The following PNCK variants were observed in gnomAD, a reference collection of about 807,000 sequenced individuals.
PNCK encodes the protein pregnancy up-regulated nonubiquitous CaM kinase.
A neutral mutation model predicts 28.3 loss-of-function variants in PNCK; 21 were observed. That is an observed-to-expected ratio of 0.74 (90% confidence interval 0.53 to 1.07). The LOEUF is 1.07. PNCK is among the 50% of genes least tolerant of loss of function. The probability of loss-of-function intolerance (pLI) is 0.00; values close to 1 mark genes in which losing one functional copy is unlikely to be tolerated. For missense variants in PNCK, 250 were observed against 298.3 expected, an observed-to-expected ratio of 0.84 and a Z score of 1.19; for synonymous variants, 136 against 125.2, an observed-to-expected ratio of 1.09 and a Z score of -0.58.
chrX:153,681,316 C>G (rs371367557), intron 1 of PNCK, among the ~76,000 whole-genome samples: 114 of 111,552 alleles, frequency 1.0e-3, no homozygotes, highest in African/African-American at 3.2e-3. Flanking sequence ...CGGCTTCCTT[C>G]CCAAGAGCAC....
At chrX:153,684,821 C>T (rs1317262487) in intron 1 of PNCK, among the ~76,000 whole-genome samples, 1 of 90,597 alleles carries the variant, frequency 1.1e-5, no homozygotes, top group African/African-American at 4.1e-5. Flanking sequence ...GCCCCCCTCC[C>T]CTGCCCTCCC....
chrX:153,677,613 ATAGTGTATATATATAGT>A (rs1476562683), upstream of PNCK, among the ~76,000 whole-genome samples: 7 of 101,269 alleles, frequency 6.9e-5, no homozygotes, highest in African/African-American at 2.6e-4. Context: ...GTGTATATAT[ATAGTGTATATATATAGT>A]GTGTATATAT....
Position 153,673,025 on chromosome X carries a change from G to A in PNCK, c.52C>T (p.Arg18Cys), listed in dbSNP as rs1349409547. 2 of 1,194,841 alleles carry A rather than the reference G, an allele frequency of 1.7e-6. No individual in the cohort carries two copies. The highest frequency in any genetic ancestry group is 2.3e-6 in the Non-Finnish European group (2 of 885,494). ...TEDISSVYEIRERLGSGAFSE... is the reference protein window; with the variant it reads ...TEDISSVYEICERLGSGAFSE... The stretch of plus-strand genomic sequence containing the variant: ...CACACTCACGAGCCGAGCCTCTCGC[G>A]GATCTCGTAGACGCTGCTGATGTCC... The change falls in exon 2 of 12, where the codon CGC becomes TGC. Residue 18 changes from arginine (R) to cysteine (C), a missense_variant. Arg to Cys is a radical substitution (Grantham distance 180). Transcript: ENST00000340888.
chrX:153,684,687 C>A (rs1480997873), intron 1 of PNCK, among the ~76,000 whole-genome samples: 1 of 111,598 alleles, frequency 9.0e-6, no homozygotes, highest in East Asian at 2.8e-4. Context: ...CCCAGGATAA[C>A]CAGTCACCCC....
Position 153,670,756 on chromosome X carries a change from C to A in PNCK, c.882G>T (p.Arg294=). ...VSEQIRKNFA[R]THWKRAFNAT... The stretch of plus-strand genomic sequence containing the variant: ...TCTCCACACTGACCTTCCAGTGTGT[C>A]CGAGCAAAGTTCTTCCGGATCTGCT... Residue 294 remains arginine (R), a synonymous_variant, in exon 10 of 12, where the codon CGG becomes CGT. Coordinates refer to ENST00000340888, the MANE Select transcript of PNCK (RefSeq NM_001366977.1). 1 of 1,209,446 alleles carries A rather than the reference C, an allele frequency of 8.3e-7. No individual in the cohort carries two copies. The highest frequency in any genetic ancestry group is 1.7e-5 in the African/African-American group (1 of 57,833).
intron 11 of PNCK, 134 bp from the exon 12 acceptor site, chrX:153,670,264 A>T: frequency 1.7e-6 from 1 of 596,108 alleles, no homozygotes; most frequent in Non-Finnish European, 2.6e-6. Context: ...CCCAATGTCA[A>T]GCACCCACTG....
At chrX:153,670,857 G>A (rs201999317) in intron 9 of PNCK, 26 bp from the exon 10 acceptor site, 37 of 1,209,165 alleles carry the variant, frequency 3.1e-5, no homozygotes, top group Non-Finnish European at 3.9e-5. Flanking sequence ...AGGTCAGGGG[G>A]GGTCTCTCTG....
chrX:153,673,183 T>G, intron 1 of PNCK, 105 bp from the exon 2 acceptor site: 1 of 1,181,624 alleles, frequency 8.5e-7, no homozygotes, highest in Non-Finnish European at 1.1e-6. Context: ...CCATTGCCGC[T>G]GCGCGCTCGA....
At chrX:153,674,402 G>C (rs782164042), upstream of PNCK, 11 of 345,717 alleles carry the variant, frequency 3.2e-5, no homozygotes, top group South Asian at 1.0e-3. Flanking sequence ...GACTGCCCTG[G>C]CCCCTCCTCC....
At chrX:153,679,566 C>CTTTTTTTTTTTTTTTTTT (rs1211891003), upstream of PNCK, among the ~76,000 whole-genome samples, 1 of 46,091 alleles carries the variant, frequency 2.2e-5, no homozygotes, top group Non-Finnish European at 4.1e-5. Context: ...CTTTTCTTTT[C>CTTTTTTTTTTTTTTTTTT]TTTTTTTTTT....
Position 153,671,137 on chromosome X carries a change from T to C in PNCK, c.668A>G (p.Gln223Arg), listed in dbSNP as rs1398825868. The change falls in exon 8 of 12, where the codon CAG becomes CGG. Residue 223 changes from glutamine (Q) to arginine (R), a missense_variant. Physicochemically the swap from Gln to Arg is conservative, Grantham distance 43 (BLOSUM62 1). Coordinates refer to ENST00000340888, the MANE Select transcript of PNCK (RefSeq NM_001366977.1). ...AAACTCATAGCTGGCCCTCAGGATCTGGCTGAAGAGCTCAGGGTCGCTCTC... is the reference window on the plus strand; with the variant it reads ...AAACTCATAGCTGGCCCTCAGGATCCGGCTGAAGAGCTCAGGGTCGCTCTC... ...YDESDPELFS[Q>R]ILRASYEFDS... is the part of the protein sequence containing the mutation. 8 of 1,211,987 alleles carry C rather than the reference T, an allele frequency of 6.6e-6. No individual in the cohort carries two copies. The highest frequency in any genetic ancestry group is 8.9e-6 in the Non-Finnish European group (8 of 895,569).
chrX:153,685,233 G>A (rs1454068094), intron 1 of PNCK, among the ~76,000 whole-genome samples: 1 of 110,875 alleles, frequency 9.0e-6, no homozygotes, highest in Non-Finnish European at 1.9e-5. Flanking sequence ...CGAGCCTGAC[G>A]CGCCTTGACA....
At chrX:153,672,514 T>C in intron 3 of PNCK, 52 bp downstream of exon 3, 1 of 1,182,046 alleles carries the variant, frequency 8.5e-7, no homozygotes. Flanking sequence ...AAGGACTGCT[T>C]GCACCCCCCC....
chrX:153,672,524 C>T (rs782130048), intron 3 of PNCK, 42 bp downstream of exon 3: 7 of 1,186,910 alleles, frequency 5.9e-6, no homozygotes, highest in Non-Finnish European at 7.9e-6. Flanking sequence ...TGCACCCCCC[C>T]ATCGACCTAT....
chrX:153,684,255 A>C (rs1224629205), intron 1 of PNCK, among the ~76,000 whole-genome samples: 1 of 112,826 alleles, frequency 8.9e-6, no homozygotes, highest in Non-Finnish European at 1.9e-5. Flanking sequence ...AGGCAGCTTT[A>C]GGGTGATGGG....
chrX:153,686,755 A>G (rs1315819268), intron 1 of PNCK: 1 of 112,098 alleles, frequency 8.9e-6, no homozygotes, highest in East Asian at 2.8e-4. Flanking sequence ...CCCTGGTCTA[A>G]GCACAGGTGA....
At chrX:153,677,158 G>A (rs782741957), upstream of PNCK, among the ~76,000 whole-genome samples, 4 of 111,362 alleles carry the variant, frequency 3.6e-5, no homozygotes, top group East Asian at 8.5e-4. Flanking sequence ...GGCTGATCTC[G>A]AACTCCTGAC....
In PNCK at chrX:153,671,277, T is replaced by C. The variant is rs782779420; in HGVS notation, c.614+8A>G. 195 of 1,203,698 alleles carry C rather than the reference T, an allele frequency of 1.6e-4. No homozygotes were observed. The highest frequency in any genetic ancestry group is 2.1e-4 in the Non-Finnish European group (184 of 891,298). On this transcript the variant is annotated splice_region_variant and intron_variant, in intron 7 of 11. Coordinates refer to ENST00000340888, the MANE Select transcript of PNCK (RefSeq NM_001366977.1). ...GGCAGGAGACAAGCCTTCCCAGCGGTCACTCACAGGATGTAGGAGATGACG... is the reference window on the plus strand; with the variant it reads ...GGCAGGAGACAAGCCTTCCCAGCGGCCACTCACAGGATGTAGGAGATGACG...
intron 1 of PNCK, among the ~76,000 whole-genome samples, chrX:153,683,938 A>G (rs1424353352): frequency 3.6e-5 from 4 of 112,224 alleles, no homozygotes; most frequent in African/African-American, 1.3e-4. Context: ...CATTATCTAC[A>G]GGAGTAATTG....
Sources: gnomAD v4.1 joint callset for allele counts (sites outside exome capture counted in the v4.1 genomes callset) on GRCh38, gnomAD v4.1.1 for gene constraint, MANE v1.5 for transcripts, NCBI Gene and HGNC (gene_info 2026-07-23, HGNC 2026-07-21) for gene names.